The following FCHSD2 variants were observed in gnomAD, a reference collection of about 807,000 sequenced individuals.
FCHSD2 encodes F-BAR and double SH3 domains protein 2.
FCHSD2 carries 38 observed loss-of-function variants against 108.1 expected under a neutral mutation model. The ratio of observed to expected loss-of-function variants is 0.35; its 90% CI spans 0.27 to 0.46. The LOEUF is 0.46. FCHSD2 is among the 20% of genes least tolerant of loss of function. The probability of loss-of-function intolerance (pLI) is 1.00; values close to 1 mark genes in which losing one functional copy is unlikely to be tolerated. For missense variants in FCHSD2, 751 were observed against 897.8 expected, an observed-to-expected ratio of 0.84 and a Z score of 2.09; for synonymous variants, 279 against 314.7, an observed-to-expected ratio of 0.89 and a Z score of 1.20.
intron 8 of FCHSD2, among the ~76,000 whole-genome samples, chr11:72,976,787 G>A (rs1441662968): frequency 6.6e-6 from 1 of 152,088 alleles, no homozygotes; most frequent in Non-Finnish European, 1.5e-5. Flanking sequence ...ATGGTGCTAA[G>A]AACATACACT....
At chr11:72,921,755 A>G (rs1591400229) in intron 9 of FCHSD2, 73 bp downstream of exon 9, 1 of 1,284,428 alleles carries the variant, frequency 7.8e-7, no homozygotes, top group Non-Finnish European at 1.1e-6. Context: ...TAGTACCTTC[A>G]TTTTCTTTGT....
intron 9 of FCHSD2, among the ~76,000 whole-genome samples, chr11:72,905,951 C>T (rs972892258): frequency 2.0e-5 from 3 of 152,146 alleles, no homozygotes; most frequent in African/African-American, 7.2e-5. Flanking sequence ...TGGGTATATA[C>T]CCAGTAATGG....
At chr11:72,988,718 C>G (rs926681755) in intron 6 of FCHSD2, among the ~76,000 whole-genome samples, 1 of 152,088 alleles carries the variant, frequency 6.6e-6, no homozygotes, top group African/African-American at 2.4e-5. Flanking sequence ...GTTCATTTAC[C>G]TTCTTTTTCA....
At chr11:73,096,987 A>ATTGTTTTTTTTTTT (rs1860096583) in intron 2 of FCHSD2, among the ~76,000 whole-genome samples, 2 of 27,018 alleles carry the variant, frequency 7.4e-5, no homozygotes, top group East Asian at 1.8e-3. Context: ...TCATTGATGG[A>ATTGTTTTTTTTTTT]TTTTTTTTTT....
At chr11:72,871,738 T>C (rs564020678) in intron 12 of FCHSD2, among the ~76,000 whole-genome samples, 1 of 140,298 alleles carries the variant, frequency 7.1e-6, no homozygotes, top group South Asian at 2.3e-4. Context: ...CAGTGACAAA[T>C]ACCTTTGGTA....
chr11:72,958,821 T>A (rs1856764774), intron 8 of FCHSD2, among the ~76,000 whole-genome samples: 1 of 152,088 alleles, frequency 6.6e-6, no homozygotes, highest in Non-Finnish European at 1.5e-5. Context: ...TTGAAAAAAA[T>A]AAACAGTAAC....
At chr11:72,931,157 G>T in intron 8 of FCHSD2, among the ~76,000 whole-genome samples, 1 of 148,900 alleles carries the variant, frequency 6.7e-6, no homozygotes, top group Non-Finnish European at 1.5e-5. Context: ...GTGTAGTGGT[G>T]CGATCAGGCT....
chr11:73,105,618 A>T (rs1367622784), intron 2 of FCHSD2, among the ~76,000 whole-genome samples: 4 of 152,224 alleles, frequency 2.6e-5, no homozygotes, highest in African/African-American at 7.2e-5. Context: ...AAGATTAAGT[A>T]AAATAAATGG....
chr11:72,916,937 G>T (rs1855885139), intron 9 of FCHSD2, among the ~76,000 whole-genome samples: 1 of 147,468 alleles, frequency 6.8e-6, no homozygotes, highest in Admixed American at 6.7e-5. Context: ...ATTTTGTGAG[G>T]TAAGGGTTCA....
At chr11:72,865,484 T>C (rs918148904) in intron 13 of FCHSD2, among the ~76,000 whole-genome samples, 6 of 152,172 alleles carry the variant, frequency 3.9e-5, no homozygotes, top group African/African-American at 1.2e-4. Flanking sequence ...AGGATATGTA[T>C]GTCTCTAGAG....
chr11:73,087,454 C>T (rs1366880009), intron 2 of FCHSD2, among the ~76,000 whole-genome samples: 1 of 151,708 alleles, frequency 6.6e-6, no homozygotes, highest in Non-Finnish European at 1.5e-5. Flanking sequence ...CCCTGTAATC[C>T]CAGCATTTTG....
chr11:73,132,839 A>AC (rs1296840748), intron 2 of FCHSD2, among the ~76,000 whole-genome samples: 1 of 151,764 alleles, frequency 6.6e-6, no homozygotes, highest in Non-Finnish European at 1.5e-5. Flanking sequence ...AAAAAAAAAA[A>AC]AAACCTCAGG....
chr11:73,026,698 C>A (rs1565373711), intron 3 of FCHSD2, among the ~76,000 whole-genome samples: 1 of 152,100 alleles, frequency 6.6e-6, no homozygotes, highest in Non-Finnish European at 1.5e-5. Context: ...TATCCCCACC[C>A]AAATCTCATC....
chr11:72,913,621 A>G (rs1366990937), intron 9 of FCHSD2, among the ~76,000 whole-genome samples: 1 of 152,216 alleles, frequency 6.6e-6, no homozygotes, highest in African/African-American at 2.4e-5. Context: ...TATTGTTCAC[A>G]GTAGCCTCTA....
At chr11:73,061,903 C>T (rs1317341694) in intron 3 of FCHSD2, among the ~76,000 whole-genome samples, 2 of 152,198 alleles carry the variant, frequency 1.3e-5, no homozygotes, top group Non-Finnish European at 2.9e-5. Flanking sequence ...TTAAACATCC[C>T]TGCCTGGTGG....
intron 2 of FCHSD2, among the ~76,000 whole-genome samples, chr11:73,126,483 G>C (rs1412691019): frequency 3.3e-5 from 5 of 150,160 alleles, no homozygotes; most frequent in African/African-American, 9.8e-5. Context: ...TGTAAATCAA[G>C]TATTCTTAAT....
At chr11:72,964,921 C>T (rs749195782) in intron 8 of FCHSD2, among the ~76,000 whole-genome samples, 20 of 151,758 alleles carry the variant, frequency 1.3e-4, no homozygotes, top group Admixed American at 3.3e-4. Context: ...TCCCGAGTAG[C>T]GGGGACTACA....
chr11:72,941,893 A>G (rs974075111), intron 8 of FCHSD2, among the ~76,000 whole-genome samples: 1 of 152,234 alleles, frequency 6.6e-6, no homozygotes, highest in African/African-American at 2.4e-5. Context: ...TGTAAAAAAG[A>G]ACCTTCACTA....
At chr11:72,994,568 T>C (rs527889471) in intron 5 of FCHSD2, among the ~76,000 whole-genome samples, 3 of 152,144 alleles carry the variant, frequency 2.0e-5, no homozygotes, top group South Asian at 2.1e-4. Context: ...TTTTAAGATA[T>C]AGTGTAAACT....
Sources: allele counts gnomAD v4.1 joint callset (sites outside exome capture counted in the v4.1 genomes callset), GRCh38; gene constraint gnomAD v4.1.1; transcripts MANE v1.5; gene names NCBI Gene and HGNC (gene_info 2026-07-23, HGNC 2026-07-21).